The following LIG1 variants were observed in gnomAD, a reference collection of about 807,000 sequenced individuals.
LIG1 encodes the protein DNA ligase 1, also known as ligase I, DNA, ATP-dependent.
LIG1 carries 70 observed loss-of-function variants against 115.7 expected under a neutral mutation model. That is an observed-to-expected ratio of 0.60 (90% confidence interval 0.50 to 0.74). LIG1 has a LOEUF of 0.74. LIG1 is among the 30% of genes least tolerant of loss of function. The pLI, the probability that LIG1 is intolerant of heterozygous loss-of-function variation, is 0.00. For synonymous variants in LIG1, 487 were observed against 495.3 expected, an observed-to-expected ratio of 0.98 and a Z score of 0.22; for missense variants, 1,115 against 1,225.6, an observed-to-expected ratio of 0.91 and a Z score of 1.35.
chr19:48,120,796 G>T lies in LIG1; in HGVS notation c.2385+374C>A, dbSNP rs3731028. 1,396 of 460,912 alleles carry T rather than the reference G, an allele frequency of 3.0e-3. 16 individuals carry two copies. The highest frequency in any genetic ancestry group is 0.029 in the African/African-American group (1,314 of 45,910). 28.6% of individuals were successfully genotyped at this position (460,912 alleles called of 1,614,324 possible). A position where few individuals can be genotyped will look rare whatever the true frequency, so the allele number is the denominator to read the frequency against. ...ATGATGAGGCCAGAGGCACATGGCA[G>T]AAAAAAAAAATGTGGGGACAAAAAA... On this transcript the variant is annotated intron_variant, in intron 24 of 27. Coordinates refer to ENST00000263274, the MANE Select transcript of LIG1 (RefSeq NM_000234.3).
In LIG1 at chr19:48,137,922, T is replaced by A. The variant is rs3730963; in HGVS notation, c.1088-234A>T. The A allele has an allele frequency of 1.9e-3, 1,131 of 603,630 alleles. No individual in the cohort carries two copies. Among genetic ancestry groups the A allele is most frequent in the Non-Finnish European group, 2.8e-3 (942 of 332,926 alleles). 37.4% of individuals were successfully genotyped at this position (603,630 alleles called of 1,614,324 possible). ...CACGTGGAGCCAGGAAAGCGGTGGA[T>A]GAACGAGCATGACCACACTCAGGGG... On this transcript the variant is annotated intron_variant, in intron 12 of 27. Transcript: ENST00000263274. This position sits in a 1 kb window ranked among gnomAD's most constrained non-coding sequence, Gnocchi z 4.3.
intron 24 of LIG1, 55 bp downstream of exon 24, chr19:48,121,115 G>A (rs764480255): frequency 5.8e-5 from 94 of 1,613,232 alleles, no homozygotes; most frequent in African/African-American, 3.6e-4. Context: ...AAATACCCCC[G>A]GGAGTCTAAT....
At chr19:48,161,572 G>A (rs3730861) in intron 3 of LIG1, 65 bp from the exon 4 acceptor site, 30,364 of 1,571,118 alleles carry the variant, frequency 0.019, 990 homozygotes, top group African/African-American at 0.14. Flanking sequence ...GGCACTGCCC[G>A]CAAACACTTT....
intron 19 of LIG1, 51 bp from the exon 20 acceptor site, chr19:48,128,071 T>C (rs537406061): frequency 4.4e-5 from 61 of 1,385,294 alleles, no homozygotes; most frequent in Admixed American, 1.2e-4. Context: ...GAAGATGAGG[T>C]GGAAAGACAA....
At chr19:48,127,443 GCC>G (rs61230848) in intron 20 of LIG1, 95 bp from the exon 21 acceptor site, 624,422 of 1,107,964 alleles carry the variant, frequency 0.56, 182,722 homozygotes, top group East Asian at 0.87. Flanking sequence ...TCTCCCTCTC[GCC>G]CCACCTAACT....
chr19:48,150,326 T>C, intron 7 of LIG1, 116 bp from the exon 8 acceptor site: 3 of 1,448,088 alleles, frequency 2.1e-6, no homozygotes, highest in Non-Finnish European at 2.9e-6. Context: ...TAACTACACC[T>C]ACCCTTTTCC....
chr19:48,133,192 T>TAG, intron 17 of LIG1, 95 bp from the exon 18 acceptor site: 1 of 851,556 alleles, frequency 1.2e-6, no homozygotes, highest in Non-Finnish European at 2.0e-6. Flanking sequence ...CCAGGACCAT[T>TAG]CTGCTTTCTT....
At chr19:48,119,325 G>C in intron 24 of LIG1, 135 bp from the exon 25 acceptor site, 1 of 752,248 alleles carries the variant, frequency 1.3e-6, no homozygotes, top group Middle Eastern at 2.3e-4. Flanking sequence ...AACCAGGGAA[G>C]TAGGGAGCTG....
In LIG1 at chr19:48,133,062, G is replaced by A. The variant is rs200550314; in HGVS notation, c.1645C>T (p.Arg549Trp). Residue 549 changes from arginine to tryptophan, a missense_variant, in exon 18 of 28, where the codon CGG (arginine) becomes TGG (tryptophan). By Grantham distance (101) the Arg-to-Trp change is moderately radical. Coordinates refer to ENST00000263274, the MANE Select transcript of LIG1 (RefSeq NM_000234.3). ...CGTTTCAGGACCTCGCTGATGCCCC[G>A]GGTGGGATGGGCCAACATTGGTTTC... Reference protein sequence around the residue: ...PLKPMLAHPTRGISEVLKRFE... With the variant: ...PLKPMLAHPTWGISEVLKRFE... The A allele has an allele frequency of 8.1e-6, 13 of 1,614,082 alleles. No individual in the cohort carries two copies. Among genetic ancestry groups the A allele is most frequent in the African/African-American group, 4.0e-5 (3 of 75,034 alleles).
intron 19 of LIG1, 21 bp from the exon 20 acceptor site, chr19:48,128,041 C>T: frequency 6.3e-7 from 1 of 1,587,666 alleles, no homozygotes; most frequent in African/African-American, 1.3e-5. Flanking sequence ...AAGGGAGAGA[C>T]CCAGGGCCTG....
At chr19:48,151,020 A>C (rs984094878) in intron 7 of LIG1, among the ~76,000 whole-genome samples, 1 of 152,024 alleles carries the variant, frequency 6.6e-6, no homozygotes, top group African/African-American at 2.4e-5. Context: ...TTTTTAAAGA[A>C]TGGCTGGCTC....
At chr19:48,127,641 G>A in intron 20 of LIG1, 1 of 610,848 alleles carries the variant, frequency 1.6e-6, no homozygotes, top group East Asian at 2.8e-5. Context: ...AACCTGTGGG[G>A]TGCAGGTTGT....
chr19:48,133,897 G>T, intron 17 of LIG1, 84 bp downstream of exon 17: 1 of 1,104,934 alleles, frequency 9.1e-7, no homozygotes, highest in Non-Finnish European at 1.3e-6. Context: ...GTTCTGAGAG[G>T]GGCGCCTACG....
At position 48,151,246 on chromosome 19, in the gene LIG1, G is replaced by T. The variant is rs1309216879; in HGVS notation, c.560C>A (p.Pro187His). The change falls in exon 7 of 28, where the codon CCC (proline) becomes CAC (histidine). Residue 187 changes from proline (P) to histidine (H), a missense_variant. Coordinates refer to ENST00000263274, the MANE Select transcript of LIG1 (RefSeq NM_000234.3). ...DGDQPTTPPK[P>H]LKTSKAETPT... ...CAGAAACTCACTGGAGGTCTTTAGGGGCTTGGGAGGCGTGGTGGGCTGGTC... is the reference window on the plus strand; with the variant it reads ...CAGAAACTCACTGGAGGTCTTTAGGTGCTTGGGAGGCGTGGTGGGCTGGTC... 1 of 1,612,744 alleles carries T rather than the reference G, an allele frequency of 6.2e-7. No homozygotes were observed. Among genetic ancestry groups the T allele is most frequent in the South Asian group, 1.1e-5 (1 of 91,042 alleles).
chr19:48,130,798 A>G lies in LIG1; in HGVS notation c.1821+278T>C, dbSNP rs1169848084. On this transcript the variant is annotated intron_variant, in intron 19 of 27. Transcript: ENST00000263274. The stretch of plus-strand genomic sequence containing the variant: ...CAAGCATTGGCACTAAAAGCCAACC[A>G]GCCAAGGACAGCAGGGGATAGAGGT... 2.0e-5 allele frequency among the ~76,000 whole-genome samples: 3 copies of G among 152,222 alleles called. No homozygotes were observed. In the East Asian group the frequency reaches 5.8e-4, roughly 29 times the overall value.
At chr19:48,157,784 C>A (rs909899367) in intron 4 of LIG1, among the ~76,000 whole-genome samples, 2 of 152,152 alleles carry the variant, frequency 1.3e-5, no homozygotes, top group Admixed American at 6.5e-5. Flanking sequence ...TGAGCTCAAG[C>A]GATCCTCCCG....
intron 1 of LIG1, among the ~76,000 whole-genome samples, chr19:48,167,812 C>T (rs2036557015): frequency 7.0e-6 from 1 of 142,882 alleles, no homozygotes; most frequent in Admixed American, 7.5e-5. Context: ...GGCGACAGAG[C>T]GAGACCCCGT....
chr19:48,151,035 C>T (rs1389691149), intron 7 of LIG1, among the ~76,000 whole-genome samples, 197 bp downstream of exon 7: 1 of 151,972 alleles, frequency 6.6e-6, no homozygotes, highest in African/African-American at 2.4e-5. Context: ...TGGCTCTTTC[C>T]TCCTTTCCCA....
rs377540650 is a variant in LIG1 at position 48,162,909 on chromosome 19, T to C, written c.18-558A>G. 6.4e-5 allele frequency among the ~76,000 whole-genome samples: 9 copies of C among 140,882 alleles called. 1 individual carries two copies. The East Asian group carries it at 1.3e-3, about 20-fold the overall frequency. 92.4% of individuals were successfully genotyped at this position (140,882 alleles called of 152,430 possible). A position where few individuals can be genotyped will look rare whatever the true frequency, so the allele number is the denominator to read the frequency against. ...AGTTTTATTCAACAAATATTAACTA[T>C]GCACTTTTTAAATCTTTTTTTTTTA... On this transcript the variant is annotated intron_variant, in intron 2 of 27. Coordinates refer to ENST00000263274, the MANE Select transcript of LIG1 (RefSeq NM_000234.3).
Sources: gnomAD v4.1 joint callset for allele counts (sites outside exome capture counted in the v4.1 genomes callset) on GRCh38, gnomAD v4.1.1 for gene constraint, Gnocchi (gnomAD v3.1) non-coding constraint, MANE v1.5 for transcripts, NCBI Gene and HGNC (gene_info 2026-07-23, HGNC 2026-07-21) for gene names.